Variants in NELL1 observed in about 807,000 individuals in gnomAD.
NELL1 encodes neural EGFL like 1, also known as protein kinase C-binding protein NELL1.
A neutral mutation model predicts 107.4 loss-of-function variants in NELL1; 76 were observed. The ratio of observed to expected loss-of-function variants is 0.71; its 90% confidence interval spans 0.59 to 0.86. The LOEUF is 0.86. Among genes scored for constraint, NELL1 ranks in the 40% least tolerant of loss-of-function variants. The probability of loss-of-function intolerance (pLI) is 0.00; values close to 1 mark genes in which losing one functional copy is unlikely to be tolerated. For missense variants in NELL1, 1,024 were observed against 1,005.5 expected (o/e 1.02, Z -0.25); for synonymous variants, 353 against 341.2 (o/e 1.03, Z -0.38).
At chr11:20,915,951 T>TAC (rs1850246704) in intron 5 of NELL1, among the ~76,000 whole-genome samples, 2 of 151,452 alleles carry the variant, frequency 1.3e-5, no homozygotes, top group Admixed American at 6.6e-5. Flanking sequence ...GTCACATGCA[T>TAC]ACACACACAT....
intron 14 of NELL1, among the ~76,000 whole-genome samples, chr11:21,247,863 G>A (rs1858534024): frequency 6.6e-6 from 1 of 152,172 alleles, no homozygotes; most frequent in Non-Finnish European, 1.5e-5. Flanking sequence ...ACGACATTAT[G>A]ACCAATAGGA....
At chr11:21,527,716 C>A (rs78756288) in intron 15 of NELL1, among the ~76,000 whole-genome samples, 9,138 of 152,272 alleles carry the variant, frequency 0.06, 416 homozygotes, top group Admixed American at 0.15. Flanking sequence ...TGGCTGAAAC[C>A]CTGAGAGTCC....
rs967634880 is a variant in NELL1, at chr11:21,021,434, C to T, written c.1300+60874C>T. ...CATTCTCTTTCAAGGAACTTTGGTTCCCCCAAATAGTTGCTTTATTTTAGG... is the reference window on the plus strand; with the variant it reads ...CATTCTCTTTCAAGGAACTTTGGTTTCCCCAAATAGTTGCTTTATTTTAGG... On this transcript the variant is annotated intron_variant, in intron 12 of 19. Coordinates refer to ENST00000357134, the MANE Select transcript of NELL1 (RefSeq NM_006157.5). Among the ~76,000 whole-genome samples the T allele has an allele frequency of 3.9e-5, 6 of 152,156 alleles. No homozygotes were observed. In the East Asian group the frequency reaches 1.2e-3, roughly 29 times the overall value.
chr11:20,987,542 G>A lies in NELL1; in HGVS notation c.1300+26982G>A, dbSNP rs957171823. On this transcript the variant is annotated intron_variant, in intron 12 of 19. Coordinates refer to ENST00000357134, the MANE Select transcript of NELL1 (RefSeq NM_006157.5). ...GTGGCAGCAAGGAGAAGTGCAGAGCGAAATGGAGGCAAAAACCCCTTATAA... is the reference window on the plus strand; with the variant it reads ...GTGGCAGCAAGGAGAAGTGCAGAGCAAAATGGAGGCAAAAACCCCTTATAA... Among the ~76,000 whole-genome samples, 15 of 152,290 alleles carry A rather than the reference G, an allele frequency of 9.8e-5. No individual in the cohort carries two copies. The East Asian group carries it at 1.9e-3, about 20-fold the overall frequency.
chr11:20,861,216 T>A (rs1028569110), intron 4 of NELL1, among the ~76,000 whole-genome samples: 3 of 152,224 alleles, frequency 2.0e-5, no homozygotes, highest in Admixed American at 2.0e-4. Flanking sequence ...CAGTTTTATT[T>A]CTGTTCTTCA....
intron 3 of NELL1, among the ~76,000 whole-genome samples, chr11:20,794,487 C>T (rs1324059795): frequency 2.0e-5 from 3 of 152,100 alleles, no homozygotes; most frequent in Non-Finnish European, 2.9e-5. Flanking sequence ...TACATTGTAC[C>T]AGACAAAGGT....
intron 13 of NELL1, among the ~76,000 whole-genome samples, chr11:21,189,293 A>G (rs1336585105): frequency 2.6e-5 from 4 of 151,798 alleles, no homozygotes; most frequent in Non-Finnish European, 4.4e-5. Flanking sequence ...TGCATCTTTA[A>G]TTTGCCTTGA....
chr11:21,074,927 A>G (rs1454162467), intron 12 of NELL1, among the ~76,000 whole-genome samples: 5 of 152,146 alleles, frequency 3.3e-5, no homozygotes, highest in African/African-American at 1.2e-4. Context: ...AAATTCAGAG[A>G]ATTCTCTGAG....
At chr11:20,841,855 A>G (rs1373372912) in intron 3 of NELL1, among the ~76,000 whole-genome samples, 1 of 152,196 alleles carries the variant, frequency 6.6e-6, no homozygotes, top group African/African-American at 2.4e-5. Flanking sequence ...AGGGGCAGGG[A>G]CATGATGTGC....
chr11:21,415,033 C>A (rs925388366), intron 15 of NELL1, among the ~76,000 whole-genome samples: 7 of 152,054 alleles, frequency 4.6e-5, no homozygotes, highest in African/African-American at 1.7e-4. Context: ...CCCTGAGGCA[C>A]CTCTTGAATT....
intron 14 of NELL1, among the ~76,000 whole-genome samples, chr11:21,346,803 G>T (rs1244732896): frequency 6.6e-6 from 1 of 151,760 alleles, no homozygotes; most frequent in Admixed American, 6.6e-5. Context: ...AAAATGCCTT[G>T]CTCTCTCACT....
intron 12 of NELL1, among the ~76,000 whole-genome samples, chr11:21,004,245 G>A (rs1448340215): frequency 2.0e-5 from 3 of 152,078 alleles, no homozygotes; most frequent in Non-Finnish European, 2.9e-5. Context: ...CTTATTATGT[G>A]TACTGGCATG....
chr11:21,299,241 A>G (rs1352437557), intron 14 of NELL1, among the ~76,000 whole-genome samples: 1 of 151,974 alleles, frequency 6.6e-6, no homozygotes, highest in East Asian at 1.9e-4. Flanking sequence ...TAATTTTTGC[A>G]GCATTTTCAG....
At chr11:21,235,135 A>G (rs986130579) in intron 14 of NELL1, among the ~76,000 whole-genome samples, 7 of 152,168 alleles carry the variant, frequency 4.6e-5, no homozygotes, top group East Asian at 1.9e-4. Context: ...GAAGGTGCCA[A>G]TCTAAAAGTC....
chr11:21,253,577 T>C (rs1018315648), intron 14 of NELL1, among the ~76,000 whole-genome samples: 2 of 152,148 alleles, frequency 1.3e-5, no homozygotes, highest in East Asian at 1.9e-4. Flanking sequence ...ATATTCTTCT[T>C]CCAATGTATT....
intron 2 of NELL1, among the ~76,000 whole-genome samples, chr11:20,734,027 C>A (rs1363777695): frequency 6.7e-6 from 1 of 148,366 alleles, no homozygotes; most frequent in Non-Finnish European, 1.5e-5. Context: ...TAGAAAAGTC[C>A]TCAAGAAGGA....
intron 4 of NELL1, among the ~76,000 whole-genome samples, chr11:20,859,051 G>A (rs1375616866): frequency 6.6e-6 from 1 of 152,174 alleles, no homozygotes; most frequent in African/African-American, 2.4e-5. Flanking sequence ...TGCCTGCTTC[G>A]TCATTTCGGC....
rs78488032 is a variant in NELL1, at chr11:21,102,967, G to A, written c.1301-10622G>A. Among the ~76,000 whole-genome samples the A allele has an allele frequency of 3.5e-3, 526 of 152,218 alleles. 2 individuals carry two copies. Among genetic ancestry groups the A allele is most frequent in the African/African-American group, 0.012 (514 of 41,546 alleles). On this transcript the variant is annotated intron_variant, in intron 12 of 19. Transcript: ENST00000357134. Reference sequence around the variant, plus strand: ...TATAAGAATTTGGAATTGGGAATAAGGTTGATTTCAGTTAAAGAAGCTTAT... The same window carrying A: ...TATAAGAATTTGGAATTGGGAATAAAGTTGATTTCAGTTAAAGAAGCTTAT...
intron 14 of NELL1, among the ~76,000 whole-genome samples, chr11:21,334,234 A>G (rs1850336029): frequency 6.6e-6 from 1 of 152,042 alleles, no homozygotes; most frequent in Non-Finnish European, 1.5e-5. Context: ...TGCAGATATT[A>G]TGGGTGGTAA....
Sources: gnomAD v4.1 joint callset for allele counts (sites outside exome capture counted in the v4.1 genomes callset) on GRCh38, gnomAD v4.1.1 for gene constraint, MANE v1.5 for transcripts, NCBI Gene and HGNC (gene_info 2026-07-23, HGNC 2026-07-21) for gene names.